ADGRL2: variants seen among roughly 807,000 people sequenced by gnomAD.
ADGRL2 encodes adhesion G protein-coupled receptor L2, also known as calcium-independent alpha-latrotoxin receptor 2.
A neutral mutation model predicts 157.4 loss-of-function variants in ADGRL2; 44 were observed. The ratio of observed to expected loss-of-function variants is 0.28; its 90% CI spans 0.22 to 0.36. The LOEUF (loss-of-function observed/expected upper bound fraction) is 0.36, where lower values mean the gene tolerates loss of function less well. ADGRL2 is among the 10% of genes least tolerant of loss of function. The pLI is 1.00. For synonymous variants in ADGRL2, 585 were observed against 624.7 expected, an observed-to-expected ratio of 0.94 and a Z score of 0.95; for missense variants, 1,510 against 1,768.9, an observed-to-expected ratio of 0.85 and a Z score of 2.63.
chr1:81,696,677 G>A (rs894784724), upstream of ADGRL2, among the ~76,000 whole-genome samples: 25 of 152,088 alleles, frequency 1.6e-4, no homozygotes, highest in African/African-American at 2.9e-4. Flanking sequence ...GCGTGAACCC[G>A]GGAGGCGGAG....
intron 1 of ADGRL2, among the ~76,000 whole-genome samples, chr1:81,416,614 T>A (rs2077038900): frequency 6.6e-6 from 1 of 152,250 alleles, no homozygotes; most frequent in South Asian, 2.1e-4. Flanking sequence ...TTTGTCTTCA[T>A]ATAATTGATA....
chr1:81,715,980 G>A (rs994812906), intron 1 of ADGRL2, among the ~76,000 whole-genome samples: 1 of 152,136 alleles, frequency 6.6e-6, no homozygotes, highest in East Asian at 1.9e-4. Context: ...CCACAGCATC[G>A]TAATTGCTCA....
intron 2 of ADGRL2, among the ~76,000 whole-genome samples, chr1:81,762,436 T>G (rs535334234): frequency 1.3e-5 from 2 of 152,280 alleles, no homozygotes; most frequent in South Asian, 4.1e-4. Context: ...ACAGGAAATA[T>G]TTAGTTTTAG....
intron 1 of ADGRL2, among the ~76,000 whole-genome samples, chr1:81,331,511 GTATTA>G (rs773935840): frequency 8.6e-5 from 13 of 152,028 alleles, no homozygotes; most frequent in African/African-American, 1.2e-4. Context: ...TACTGCTTTG[GTATTA>G]TATTTGTTTT....
chr1:81,684,461 C>G (rs765076006), intron 3 of ADGRL2, among the ~76,000 whole-genome samples: 21 of 152,174 alleles, frequency 1.4e-4, no homozygotes, highest in Non-Finnish European at 2.8e-4. Flanking sequence ...ATGTCCTTAG[C>G]CTGCTTTTTG....
At chr1:81,334,629 G>A (rs1237459444) in intron 1 of ADGRL2, among the ~76,000 whole-genome samples, 2 of 152,208 alleles carry the variant, frequency 1.3e-5, no homozygotes, top group African/African-American at 4.8e-5. Flanking sequence ...AAAATGGTTT[G>A]TTAACATTTA....
intron 1 of ADGRL2, among the ~76,000 whole-genome samples, chr1:81,330,966 A>C (rs574615395): frequency 6.6e-6 from 1 of 152,324 alleles, no homozygotes; most frequent in East Asian, 1.9e-4. Flanking sequence ...TGATAAGTAC[A>C]TATGTGACTG....
intron 3 of ADGRL2, among the ~76,000 whole-genome samples, chr1:81,585,378 T>C (rs2081005293): frequency 6.6e-6 from 1 of 152,146 alleles, no homozygotes; most frequent in Non-Finnish European, 1.5e-5. Context: ...TGTTGTCATA[T>C]TCATTCTGTA....
At chr1:81,688,404 A>T (rs989020759) in intron 3 of ADGRL2, among the ~76,000 whole-genome samples, 5 of 152,040 alleles carry the variant, frequency 3.3e-5, no homozygotes, top group African/African-American at 1.2e-4. Flanking sequence ...GGGTTGGGTT[A>T]ATTCAAAGAC....
At chr1:81,750,133 T>C in intron 1 of ADGRL2, among the ~76,000 whole-genome samples, 1 of 152,344 alleles carries the variant, frequency 6.6e-6, no homozygotes, top group South Asian at 2.1e-4. Context: ...TTTTCAAAAG[T>C]ATCTCAATTT....
At chr1:81,738,083 TA>T (rs1048594249) in intron 1 of ADGRL2, among the ~76,000 whole-genome samples, 2 of 152,164 alleles carry the variant, frequency 1.3e-5, no homozygotes, top group African/African-American at 4.8e-5. Context: ...AGTTATAAAA[TA>T]AACACACTCT....
intron 2 of ADGRL2, among the ~76,000 whole-genome samples, chr1:81,772,954 C>G (rs2086435277): frequency 1.3e-5 from 2 of 152,100 alleles, no homozygotes; most frequent in East Asian, 3.9e-4. Flanking sequence ...TTGTGTAGCA[C>G]ATTTTTGCCC....
intron 3 of ADGRL2, among the ~76,000 whole-genome samples, chr1:81,669,271 C>T (rs555380227): frequency 4.0e-5 from 6 of 151,882 alleles, no homozygotes; most frequent in South Asian, 2.1e-4. Context: ...GACTTTTAGC[C>T]GCCACTGAGG....
chr1:81,981,040 A>C (rs1487722889), intron 18 of ADGRL2: 2 of 418,778 alleles, frequency 4.8e-6, no homozygotes, highest in Non-Finnish European at 8.9e-6. Context: ...TAATTTATAA[A>C]ATATATAAAT....
intron 1 of ADGRL2, among the ~76,000 whole-genome samples, chr1:81,423,120 T>C (rs1309444719): frequency 6.6e-6 from 1 of 152,182 alleles, no homozygotes; most frequent in Non-Finnish European, 1.5e-5. Context: ...ACAGAAAATG[T>C]CAGTGTGTCA....
chr1:81,671,115 C>G (rs1332110850), intron 3 of ADGRL2, among the ~76,000 whole-genome samples: 1 of 152,200 alleles, frequency 6.6e-6, no homozygotes. Context: ...TCTTTCCACT[C>G]TCTGCAAAAT....
rs371722622 is a variant in ADGRL2, at chr1:81,668,729, AT to A, written c.-143+87761del. Among the ~76,000 whole-genome samples the A allele has an allele frequency of 5.6e-3, 827 of 146,998 alleles. 8 individuals carry two copies. The highest frequency in any genetic ancestry group is 0.018 in the African/African-American group (737 of 40,220). On this transcript the variant is annotated intron_variant, in intron 3 of 24. Transcript: ENST00000370721. The stretch of plus-strand genomic sequence containing the variant: ...AGGCATGTGCCACCAGGCCCGGCTA[AT>A]TTTTTTTTTTTGTATTTTTGGTAGA...
intron 3 of ADGRL2, among the ~76,000 whole-genome samples, chr1:81,584,386 A>G (rs907391566): frequency 6.9e-6 from 1 of 145,446 alleles, no homozygotes; most frequent in Admixed American, 6.7e-5. Context: ...AATGAAACAT[A>G]AAGTACTCTA....
At chr1:81,528,646 CAAAAAAAAAAAAAAA>C (rs59842382) in intron 2 of ADGRL2, among the ~76,000 whole-genome samples, 2 of 114,662 alleles carry the variant, frequency 1.7e-5, no homozygotes, top group African/African-American at 7.6e-5. Flanking sequence ...GACTCCATCT[CAAAAAAAAAAAAAAA>C]AAAAAAAAAA....
Sources: gnomAD v4.1 joint callset for allele counts (sites outside exome capture counted in the v4.1 genomes callset) on GRCh38, gnomAD v4.1.1 for gene constraint, MANE v1.5 for transcripts, NCBI Gene and HGNC (gene_info 2026-07-23, HGNC 2026-07-21) for gene names.